Variants in LLGL2 observed in about 807,000 individuals in gnomAD.
LLGL2 encodes the protein LLGL scribble cell polarity complex component 2.
A neutral mutation model predicts 123.2 loss-of-function variants in LLGL2; 81 were observed. The observed-to-expected ratio is 0.66, with a 90% CI of 0.55 to 0.79. LLGL2 has a LOEUF of 0.79. LLGL2 is among the 30% of genes least tolerant of loss of function. LLGL2 has a pLI of 0.00. For synonymous variants in LLGL2, 577 were observed against 594.1 expected (o/e 0.97, Z 0.42); for missense variants, 1,273 against 1,414.6 (o/e 0.90, Z 1.61).
intron 1 of LLGL2, among the ~76,000 whole-genome samples, chr17:75,539,545 A>C (rs752327661): frequency 6.7e-6 from 1 of 150,058 alleles, no homozygotes; most frequent in Admixed American, 6.6e-5. Flanking sequence ...TGCCCAGCCC[A>C]TCTCTTTTTT....
At chr17:75,571,574 C>T in intron 17 of LLGL2, 93 bp from the exon 18 acceptor site, 1 of 924,700 alleles carries the variant, frequency 1.1e-6, no homozygotes, top group Non-Finnish European at 1.7e-6. Flanking sequence ...CCAGCCTCTC[C>T]CAGGAGGGAA....
intron 6 of LLGL2, among the ~76,000 whole-genome samples, chr17:75,560,962 G>T (rs1369774833): frequency 6.6e-6 from 1 of 152,066 alleles, no homozygotes; most frequent in East Asian, 1.9e-4. Flanking sequence ...CTTCCGAGTA[G>T]CTGGGATTAC....
chr17:75,570,931 G>A lies in LLGL2; in HGVS notation c.2026-19G>A, dbSNP rs1167037367. ...AGGGGAGTCCAGAGCTGACCCTTAG[G>A]CTGGCCCACCCCTTGCAGGCACAGG... On this transcript the variant is annotated intron_variant, in intron 16 of 25. Transcript: ENST00000392550. 1.3e-6 allele frequency: 2 copies of A among 1,595,794 alleles called. No individual in the cohort carries two copies. Among genetic ancestry groups the A allele is most frequent in the East Asian group, 2.2e-5 (1 of 44,670 alleles).
At chr17:75,542,208 G>T (rs550127723) in intron 1 of LLGL2, among the ~76,000 whole-genome samples, 3 of 151,918 alleles carry the variant, frequency 2.0e-5, no homozygotes, top group Non-Finnish European at 4.4e-5. Context: ...TCCCAAGAAC[G>T]CGAAATCCTT....
chr17:75,553,596 T>G (rs975618370), intron 2 of LLGL2, among the ~76,000 whole-genome samples: 6 of 152,200 alleles, frequency 3.9e-5, no homozygotes, highest in Non-Finnish European at 5.9e-5. Context: ...GACCTTTTTC[T>G]GCAAGTCAGA....
chr17:75,568,578 C>T lies in LLGL2; in HGVS notation c.1139C>T (p.Ala380Val). The change falls in exon 11 of 26, where the codon GCT becomes GTT. Residue 380 changes from alanine (A) to valine (V), a missense_variant. Ala to Val is a moderately conservative substitution (Grantham distance 64). Coordinates refer to ENST00000392550, the MANE Select transcript of LLGL2 (RefSeq NM_001031803.2). ...CCACCGGTCCAGCTGCCCTACCTGG[C>T]TTCTCTGCACTGTTCCGCCATCACC... ...GWPPVQLPYLASLHCSAITCS... is the reference protein window; with the variant it reads ...GWPPVQLPYLVSLHCSAITCS... 1.9e-6 allele frequency: 3 copies of T among 1,613,956 alleles called. No individual in the cohort carries two copies. The highest frequency in any genetic ancestry group is 2.5e-6 in the Non-Finnish European group (3 of 1,180,030).
chr17:75,570,757 A>G (rs1008695776), intron 16 of LLGL2, among the ~76,000 whole-genome samples, 193 bp from the exon 17 acceptor site: 1 of 152,190 alleles, frequency 6.6e-6, no homozygotes, highest in Non-Finnish European at 1.5e-5. Flanking sequence ...TTCTCTCTAC[A>G]ACATGCTGGG....
At chr17:75,557,383 C>G (rs757003953) in intron 3 of LLGL2, among the ~76,000 whole-genome samples, 2 of 152,220 alleles carry the variant, frequency 1.3e-5, no homozygotes, top group Non-Finnish European at 2.9e-5. Flanking sequence ...CGGCCTGAGG[C>G]TGGATGTTGT....
At chr17:75,531,518 T>G (rs1473042651) in intron 1 of LLGL2, among the ~76,000 whole-genome samples, 2 of 152,266 alleles carry the variant, frequency 1.3e-5, no homozygotes, top group African/African-American at 4.8e-5. Flanking sequence ...TCCTCAACTC[T>G]GAGAGGCCCT....
intron 1 of LLGL2, among the ~76,000 whole-genome samples, chr17:75,541,919 C>T (rs973330819): frequency 3.3e-5 from 5 of 151,450 alleles, no homozygotes; most frequent in African/African-American, 4.9e-5. Flanking sequence ...TTAGTAGAGA[C>T]GAGGTTTCAC....
chr17:75,529,345 C>T (rs1217035701), intron 1 of LLGL2, among the ~76,000 whole-genome samples: 1 of 151,418 alleles, frequency 6.6e-6, no homozygotes, highest in African/African-American at 2.4e-5. Flanking sequence ...TGCAGGCAGG[C>T]ACCACCAGGC....
intron 1 of LLGL2, among the ~76,000 whole-genome samples, chr17:75,539,625 T>A (rs111240935): frequency 0.096 from 14,292 of 148,672 alleles, 654 homozygotes; most frequent in Non-Finnish European, 0.12. Flanking sequence ...TTTTTTTTTT[T>A]TATACAGAAT....
intron 3 of LLGL2, chr17:75,557,698 C>A: frequency 3.2e-6 from 1 of 311,730 alleles, no homozygotes; most frequent in Non-Finnish European, 6.3e-6. Flanking sequence ...TCAGCCTTCC[C>A]TCGGCTGGTT....
chr17:75,562,992 G>C, intron 6 of LLGL2, 24 bp from the exon 7 acceptor site: 1 of 1,608,398 alleles, frequency 6.2e-7, no homozygotes, highest in Non-Finnish European at 8.5e-7. Flanking sequence ...GGCATCGGAG[G>C]CTCACGGCAC....
At chr17:75,540,162 C>T (rs2054154748) in intron 1 of LLGL2, among the ~76,000 whole-genome samples, 1 of 152,204 alleles carries the variant, frequency 6.6e-6, no homozygotes, top group African/African-American at 2.4e-5. Context: ...CTTTCCCTTA[C>T]AACCCCTGGC....
At chr17:75,571,637 G>A (rs1162066662) in intron 17 of LLGL2, 30 bp from the exon 18 acceptor site, 6 of 1,549,606 alleles carry the variant, frequency 3.9e-6, no homozygotes, top group Admixed American at 1.7e-5. Context: ...CACGCTAAGG[G>A]TCAGACACCC....
chr17:75,528,187 C>G (rs1419749300), intron 1 of LLGL2, among the ~76,000 whole-genome samples: 1 of 152,074 alleles, frequency 6.6e-6, no homozygotes, highest in Admixed American at 6.5e-5. Context: ...GAGATCTCGG[C>G]TCACTGCAAG....
At chr17:75,565,753 G>C (rs1175890543) in intron 10 of LLGL2, among the ~76,000 whole-genome samples, 2 of 152,208 alleles carry the variant, frequency 1.3e-5, no homozygotes, top group African/African-American at 4.8e-5. Context: ...CAGGAGGTGG[G>C]TGCCTGATGA....
intron 20 of LLGL2, 42 bp from the exon 21 acceptor site, chr17:75,573,439 C>T: frequency 6.3e-7 from 1 of 1,587,448 alleles, no homozygotes; most frequent in Non-Finnish European, 8.6e-7. Context: ...GCAGCCTTGG[C>T]AGCCGCCAGG....
Sources: allele counts gnomAD v4.1 joint callset (sites outside exome capture counted in the v4.1 genomes callset), GRCh38; gene constraint gnomAD v4.1.1; transcripts MANE v1.5; gene names NCBI Gene and HGNC (gene_info 2026-07-23, HGNC 2026-07-21).